VCAN: variants seen among roughly 807,000 people sequenced by gnomAD.
VCAN encodes versican core protein.
In VCAN, 44 loss-of-function variants were observed where a neutral mutation model predicts 245.5. The observed-to-expected ratio is 0.18, with a 90% CI of 0.14 to 0.23. The LOEUF is 0.23. Ranked by LOEUF, VCAN falls within the 10% of genes least tolerant of loss-of-function variation. VCAN has a pLI of 1.00. For synonymous variants in VCAN, 1,413 were observed against 1,437.0 expected (o/e 0.98, Z 0.38); for missense variants, 3,793 against 4,057.9 (o/e 0.93, Z 1.77).
At chr5:83,554,114 C>A (rs1747573909) in intron 11 of VCAN, among the ~76,000 whole-genome samples, 1 of 152,192 alleles carries the variant, frequency 6.6e-6, no homozygotes, top group Non-Finnish European at 1.5e-5. Flanking sequence ...CCTTCAACTG[C>A]AGCAAAAAGG....
chr5:83,521,218 A>T lies in VCAN; in HGVS notation c.2912A>T (p.His971Leu). The T allele has an allele frequency of 6.2e-7, 1 of 1,613,972 alleles. No individual in the cohort carries two copies. The change falls in exon 7 of 15, where the codon CAT becomes CTT. Residue 971 changes from histidine to leucine, a missense_variant. By Grantham distance (99) the His-to-Leu change is moderately conservative. Coordinates refer to ENST00000265077, the MANE Select transcript of VCAN (RefSeq NM_004385.5). ...CCTACTACTTATGTAGACTCTTCCC[A>T]TACCATTCCTCTTTCTGTAATTCCC... ...QEPTTYVDSS[H>L]TIPLSVIPKT...
chr5:83,549,005 C>G lies in VCAN; in HGVS notation c.9493+921C>G, dbSNP rs971224742. Among the ~76,000 whole-genome samples the G allele has an allele frequency of 3.2e-4, 49 of 152,182 alleles. 1 individual carries two copies. Among genetic ancestry groups the G allele is most frequent in the African/African-American group, 1.1e-3 (45 of 41,538 alleles). On this transcript the variant is annotated intron_variant, in intron 10 of 14. Coordinates refer to ENST00000265077, the MANE Select transcript of VCAN (RefSeq NM_004385.5). ...TACATTTTTAGGTGTTGGTTTTTTT[C>G]TTTTTTTATTGCATAGGGTAAATCT...
intron 5 of VCAN, among the ~76,000 whole-genome samples, chr5:83,510,590 T>G (rs1745619832): frequency 6.6e-6 from 1 of 152,250 alleles, no homozygotes; most frequent in African/African-American, 2.4e-5. Context: ...TTGGCTTAGG[T>G]ATTCTATAAT....
chr5:83,548,112 T>C (rs556637410), intron 10 of VCAN, 28 bp downstream of exon 10: 10 of 1,565,602 alleles, frequency 6.4e-6, no homozygotes, highest in Non-Finnish European at 7.0e-6. Context: ...ATTTGTATGA[T>C]GAACATTATT....
At chr5:83,517,325 A>G (rs934527675) in intron 6 of VCAN, among the ~76,000 whole-genome samples, 1 of 152,174 alleles carries the variant, frequency 6.6e-6, no homozygotes, top group Non-Finnish European at 1.5e-5. Flanking sequence ...CCCTAATGCA[A>G]TTGTACCTGT....
In VCAN at chr5:83,539,053, C is replaced by G; in HGVS notation, c.6050C>G (p.Thr2017Arg). Residue 2017 changes from threonine to arginine, a missense_variant, in exon 8 of 15, where the codon ACA becomes AGA. Physicochemically the swap from Thr to Arg is moderately conservative, Grantham distance 71. Around this residue, in one of 5 missense-constraint regions of VCAN, gnomAD observed 3,182 missense variants for 3,250.3 expected, o/e 0.98. Transcript: ENST00000265077. Reference sequence around the variant, plus strand: ...GAGGGCTCAGGTGAGCAACTGGTCACAGTCAGCAGCTCTGTTGTTCCAGTG... The same window carrying G: ...GAGGGCTCAGGTGAGCAACTGGTCAGAGTCAGCAGCTCTGTTGTTCCAGTG... ...SAEGSGEQLV[T>R]VSSSVVPVLP... 1 of 1,613,996 alleles carries G rather than the reference C, an allele frequency of 6.2e-7. No individual in the cohort carries two copies. Among genetic ancestry groups the G allele is most frequent in the Non-Finnish European group, 8.5e-7 (1 of 1,179,962 alleles).
chr5:83,493,430 T>C (rs1745046482), intron 3 of VCAN, 116 bp from the exon 4 acceptor site: 1 of 1,281,954 alleles, frequency 7.8e-7, no homozygotes, highest in African/African-American at 1.5e-5. Context: ...TAAATAATTA[T>C]TATGATATTA....
In VCAN at chr5:83,490,137, C is replaced by T. The variant is rs770045298; in HGVS notation, c.110C>T (p.Ser37Phe). The change falls in exon 3 of 15, where the codon TCT becomes TTT. Residue 37 changes from serine (S) to phenylalanine (F), a missense_variant. By Grantham distance (155) the Ser-to-Phe change is radical. This residue lies in a region of VCAN where 179 missense variants were observed against 169.7 expected (regional missense o/e 1.05). Coordinates refer to ENST00000265077, the MANE Select transcript of VCAN (RefSeq NM_004385.5). ...AGCCCACCGGTGAGGGGCTCCCTCTCTGGAAAAGTCAGCCTACCTTGTCAT... is the reference window on the plus strand; with the variant it reads ...AGCCCACCGGTGAGGGGCTCCCTCTTTGGAAAAGTCAGCCTACCTTGTCAT... ...GKSPPVRGSL[S>F]GKVSLPCHFS... is the part of the protein sequence containing the mutation. 3 of 1,614,158 alleles carry T rather than the reference C, an allele frequency of 1.9e-6. No homozygotes were observed. Among genetic ancestry groups the T allele is most frequent in the South Asian group, 1.1e-5 (1 of 91,084 alleles).
chr5:83,571,399 G>A (rs1375959058), intron 12 of VCAN, among the ~76,000 whole-genome samples: 1 of 152,080 alleles, frequency 6.6e-6, no homozygotes, highest in Non-Finnish European at 1.5e-5. Context: ...CATCTCTAAG[G>A]TCCAAATAAT....
At chr5:83,578,009 C>A (rs562257083) in intron 13 of VCAN, among the ~76,000 whole-genome samples, 1 of 152,254 alleles carries the variant, frequency 6.6e-6, no homozygotes, top group African/African-American at 2.4e-5. Flanking sequence ...AAATCAAGTA[C>A]ATTGAATTAT....
Position 83,538,504 on chromosome 5 carries a change from A to T in VCAN, c.5501A>T (p.Glu1834Val). 1 of 1,613,934 alleles carries T rather than the reference A, an allele frequency of 6.2e-7. No homozygotes were observed. The highest frequency in any genetic ancestry group is 8.5e-7 in the Non-Finnish European group (1 of 1,179,916). The change falls in exon 8 of 15, where the codon GAG becomes GTG. Residue 1834 changes from glutamate to valine, a missense_variant. By Grantham distance (121) the Glu-to-Val change is moderately radical. Coordinates refer to ENST00000265077, the MANE Select transcript of VCAN (RefSeq NM_004385.5). ...LPRSPASVFM[E>V]QGSGEAAADP... ...CGTAGTCCTGCCTCTGTCTTTATGG[A>T]GCAGGGCTCTGGAGAAGCTGCTGCC...
At chr5:83,517,060 A>C (rs1053061031) in intron 6 of VCAN, among the ~76,000 whole-genome samples, 2 of 152,214 alleles carry the variant, frequency 1.3e-5, no homozygotes, top group African/African-American at 4.8e-5. Flanking sequence ...TTGGAAACAA[A>C]GTCACATAAA....
intron 12 of VCAN, among the ~76,000 whole-genome samples, chr5:83,567,082 A>G (rs1056753620): frequency 6.6e-6 from 1 of 152,182 alleles, no homozygotes; most frequent in Non-Finnish European, 1.5e-5. Context: ...CTGAAAAGTG[A>G]CTGATTCCAG....
chr5:83,535,454 A>C (rs997158127), intron 7 of VCAN, among the ~76,000 whole-genome samples: 1 of 152,286 alleles, frequency 6.6e-6, no homozygotes, highest in African/African-American at 2.4e-5. Flanking sequence ...TTTGCATTAC[A>C]TAAAAGTCTT....
In VCAN at chr5:83,580,313, C is replaced by T; in HGVS notation, c.10070C>T (p.Ala3357Val). Residue 3357 changes from alanine (A) to valine (V), a missense_variant, in exon 15 of 15, where the codon GCA becomes GTA. Ala to Val is a moderately conservative substitution (Grantham distance 64, BLOSUM62 0). This residue lies in a region of VCAN where 205 missense variants were observed against 321.1 expected (regional missense o/e 0.64). Transcript: ENST00000265077. ...IPKITCMNPS[A>V]YQRTYSMKYF... Reference sequence around the variant, plus strand: ...TTTCTTTCCTTCCATGTAGCATCTGCATACCAAAGGACTTATTCTATGAAA... The same window carrying T: ...TTTCTTTCCTTCCATGTAGCATCTGTATACCAAAGGACTTATTCTATGAAA... 1 of 1,613,872 alleles carries T rather than the reference C, an allele frequency of 6.2e-7. No homozygotes were observed. Among genetic ancestry groups the T allele is most frequent in the Non-Finnish European group, 8.5e-7 (1 of 1,179,960 alleles).
chr5:83,548,389 G>A (rs1011196630), intron 10 of VCAN, among the ~76,000 whole-genome samples: 1 of 152,118 alleles, frequency 6.6e-6, no homozygotes, highest in African/African-American at 2.4e-5. Context: ...CATGTACGAA[G>A]GAGTACTGAA....
chr5:83,530,496 A>C (rs767448345), intron 7 of VCAN, among the ~76,000 whole-genome samples: 1 of 152,152 alleles, frequency 6.6e-6, no homozygotes, highest in African/African-American at 2.4e-5. Flanking sequence ...CTAAGGGGAG[A>C]GACATGCCTA....
chr5:83,573,345 G>A (rs994578247), intron 13 of VCAN, among the ~76,000 whole-genome samples: 4 of 151,900 alleles, frequency 2.6e-5, no homozygotes, highest in East Asian at 1.9e-4. Flanking sequence ...CAGATTTGTC[G>A]GTGGTTTGAA....
At chr5:83,510,686 T>C (rs542617240) in intron 5 of VCAN, among the ~76,000 whole-genome samples, 151 of 152,396 alleles carry the variant, frequency 9.9e-4, no homozygotes, top group African/African-American at 3.0e-3. Flanking sequence ...ACTGTTATGT[T>C]AGTTAGCTAA....
Sources: allele counts gnomAD v4.1 joint callset (sites outside exome capture counted in the v4.1 genomes callset), GRCh38; gene constraint gnomAD v4.1.1; regional missense constraint gnomAD v4.1.1; transcripts MANE v1.5; gene names NCBI Gene and HGNC (gene_info 2026-07-23, HGNC 2026-07-21).